The following IGF1R variants were observed in gnomAD, a reference collection of about 807,000 sequenced individuals.
IGF1R encodes insulin like growth factor 1 receptor.
IGF1R carries 44 observed loss-of-function variants against 144.6 expected under a neutral mutation model. That is an observed-to-expected ratio of 0.30 (90% CI 0.24 to 0.39). IGF1R has a LOEUF of 0.39. Among genes scored for constraint, IGF1R ranks in the 10% least tolerant of loss-of-function variants. IGF1R has a pLI of 1.00. For synonymous variants in IGF1R, 795 were observed against 722.8 expected (o/e 1.10, Z -1.60); for missense variants, 1,355 against 1,833.7 (o/e 0.74, Z 4.77).
chr15:98,878,885 A>G (rs2013221366), intron 2 of IGF1R, among the ~76,000 whole-genome samples: 1 of 151,910 alleles, frequency 6.6e-6, no homozygotes, highest in South Asian at 2.1e-4. Flanking sequence ...AATCCCAGCT[A>G]CTCGGGAAGC....
intron 2 of IGF1R, among the ~76,000 whole-genome samples, chr15:98,768,152 C>T (rs2055481888): frequency 6.6e-6 from 1 of 152,176 alleles, no homozygotes; most frequent in Admixed American, 6.5e-5. Flanking sequence ...GTTCTGTTCT[C>T]ATGTACACCC....
At position 98,961,027 on chromosome 15, in the gene IGF1R, G is replaced by A. The variant is rs532952727; in HGVS notation, c.*3585G>A. The A allele has an allele frequency of 7.7e-5, 18 of 233,720 alleles. No individual in the cohort carries two copies. Among genetic ancestry groups the A allele is most frequent in the South Asian group, 3.6e-4 (2 of 5,534 alleles). The allele number at this position is 233,720 out of a possible 1,614,324, so 14.5% of individuals were successfully genotyped here. On this transcript the variant is annotated 3_prime_UTR_variant, in exon 21 of 21. Coordinates refer to ENST00000650285, the MANE Select transcript of IGF1R (RefSeq NM_000875.5). The stretch of plus-strand genomic sequence containing the variant: ...TGATGATTTCGCTGGGAAGTGTGGC[G>A]GGCAGCTTTGCCTAAGCGTGGATGG...
At chr15:98,897,136 G>A (rs1186457522) in intron 4 of IGF1R, 1 of 545,016 alleles carries the variant, frequency 1.8e-6, no homozygotes. Flanking sequence ...CTGTAAAGAG[G>A]GTCATCGCTC....
At chr15:98,751,620 T>G (rs2055014301) in intron 2 of IGF1R, among the ~76,000 whole-genome samples, 1 of 152,202 alleles carries the variant, frequency 6.6e-6, no homozygotes, top group South Asian at 2.1e-4. Context: ...TTGTACTACT[T>G]AATCTTTGTC....
rs1167253214 is a variant in IGF1R, at chr15:98,891,768, G to A, written c.953+131G>A. On this transcript the variant is annotated intron_variant, in intron 3 of 20. Transcript: ENST00000650285. This position sits in a 1 kb window ranked among gnomAD's most constrained non-coding sequence, Gnocchi z 4.7. Reference sequence around the variant, plus strand: ...GAAGTTCACTGAGGTGGGTCATTTTGAGAGGGCTGGCTTACCTTAAATGTT... The same window carrying A: ...GAAGTTCACTGAGGTGGGTCATTTTAAGAGGGCTGGCTTACCTTAAATGTT... The A allele has an allele frequency of 1.2e-5, 10 of 830,642 alleles. No individual in the cohort carries two copies. 51.5% of individuals were successfully genotyped at this position (830,642 alleles called of 1,614,324 possible). A position where few individuals can be genotyped will look rare whatever the true frequency, so the allele number is the denominator to read the frequency against.
At chr15:98,713,770 C>A (rs1278205105) in intron 2 of IGF1R, among the ~76,000 whole-genome samples, 1 of 152,040 alleles carries the variant, frequency 6.6e-6, no homozygotes, top group African/African-American at 2.4e-5. Flanking sequence ...CCTTCACTTT[C>A]CCACAAAAAA....
chr15:98,866,481 A>G (rs1403479971), intron 2 of IGF1R, among the ~76,000 whole-genome samples: 1 of 152,262 alleles, frequency 6.6e-6, no homozygotes, highest in African/African-American at 2.4e-5. Context: ...ATTGAACTTC[A>G]TCTTAAAAAT....
chr15:98,915,874 G>T lies in IGF1R; in HGVS notation c.1829-90G>T. ...GTTATTTTCTTATCCAGGTCAAACT[G>T]GCAGTTTCCTGTTGGCTTGCCAGAG... On this transcript the variant is annotated intron_variant, in intron 8 of 20. Coordinates refer to ENST00000650285, the MANE Select transcript of IGF1R (RefSeq NM_000875.5). 4 of 1,147,160 alleles carry T rather than the reference G, an allele frequency of 3.5e-6. No homozygotes were observed. The South Asian group carries it at 4.9e-5, about 14-fold the overall frequency. The allele number at this position is 1,147,160 out of a possible 1,614,324, so 71.1% of individuals were successfully genotyped here. A position where few individuals can be genotyped will look rare whatever the true frequency, so the allele number is the denominator to read the frequency against.
chr15:98,893,348 TACTA>T (rs2014022181), intron 3 of IGF1R: 1 of 152,220 alleles, frequency 6.6e-6, no homozygotes, highest in South Asian at 2.1e-4. Flanking sequence ...ACCATTAGCA[TACTA>T]ACAACAAGAA....
At position 98,935,503 on chromosome 15, in the gene IGF1R, T is replaced by A. The variant is rs537097504; in HGVS notation, c.3297+77T>A. 3.5e-6 allele frequency: 3 copies of A among 855,316 alleles called. No individual in the cohort carries two copies. The South Asian group carries it at 4.3e-5, about 12-fold the overall frequency. The allele number at this position is 855,316 out of a possible 1,614,324, so 53.0% of individuals were successfully genotyped here. A position where few individuals can be genotyped will look rare whatever the true frequency, so the allele number is the denominator to read the frequency against. ...CCTTTATAATCTCCCTGCAAGGAAA[T>A]GCTGTGTCTTTAAATCAGTTTACTT... On this transcript the variant is annotated intron_variant, in intron 17 of 20. Transcript: ENST00000650285. The surrounding 1 kb of genome is among the most constrained non-coding windows in gnomAD (Gnocchi z 4.2).
intron 2 of IGF1R, among the ~76,000 whole-genome samples, chr15:98,799,208 G>A (rs1386089071): frequency 1.3e-5 from 2 of 152,050 alleles, no homozygotes; most frequent in Admixed American, 1.3e-4. Context: ...TATAATTCAT[G>A]TGCCTCCCCC....
Position 98,922,451 on chromosome 15 carries a change from G to A in IGF1R, c.2485+20G>A, listed in dbSNP as rs755750899. ...CCGCAGGTATGGTATGATCCAGCTG[G>A]CCCCATTGCCACCTTCCTCACAACC... On this transcript the variant is annotated intron_variant, in intron 11 of 20. Transcript: ENST00000650285. 4.4e-6 allele frequency: 7 copies of A among 1,603,998 alleles called. No homozygotes were observed. Among genetic ancestry groups the A allele is most frequent in the South Asian group, 2.2e-5 (2 of 90,924 alleles).
chr15:98,827,528 T>A (rs1056607968), intron 2 of IGF1R, among the ~76,000 whole-genome samples: 6 of 152,230 alleles, frequency 3.9e-5, no homozygotes, highest in Admixed American at 6.5e-5. Context: ...ATACTATGAA[T>A]TGGTTTAAAA....
chr15:98,736,905 C>G (rs2054624231), intron 2 of IGF1R, among the ~76,000 whole-genome samples: 1 of 152,142 alleles, frequency 6.6e-6, no homozygotes, highest in South Asian at 2.1e-4. Flanking sequence ...AGCCACCGAG[C>G]CTGGCTGGTG....
intron 2 of IGF1R, among the ~76,000 whole-genome samples, chr15:98,884,701 AAAAG>A (rs2013552265): frequency 6.6e-6 from 1 of 151,394 alleles, no homozygotes; most frequent in Non-Finnish European, 1.5e-5. Context: ...AAAAAAAAAA[AAAAG>A]AAATTCTGTA....
At chr15:98,770,839 ATGTCAAAATTG>A (rs936231530) in intron 2 of IGF1R, among the ~76,000 whole-genome samples, 1 of 152,150 alleles carries the variant, frequency 6.6e-6, no homozygotes, top group African/African-American at 2.4e-5. Context: ...AGTGTCCACC[ATGTCAAAATTG>A]TGTCAAAATT....
chr15:98,859,525 C>T (rs1009733626), intron 2 of IGF1R, among the ~76,000 whole-genome samples: 1 of 152,136 alleles, frequency 6.6e-6, no homozygotes, highest in East Asian at 1.9e-4. Context: ...TAAGCTTTGC[C>T]CTCAAGAAGG....
chr15:98,661,799 C>G (rs1446032992), intron 1 of IGF1R, among the ~76,000 whole-genome samples: 1 of 152,160 alleles, frequency 6.6e-6, no homozygotes, highest in East Asian at 1.9e-4. Flanking sequence ...TGTATCCAAG[C>G]TGCCCAGCAA....
At chr15:98,913,323 C>T (rs747186607) in intron 8 of IGF1R, 41 bp downstream of exon 8, 68 of 1,492,000 alleles carry the variant, frequency 4.6e-5, no homozygotes, top group Non-Finnish European at 1.6e-5. Flanking sequence ...CACACTTCTT[C>T]GCAAGCTCAC....
Sources: gnomAD v4.1 joint callset for allele counts (sites outside exome capture counted in the v4.1 genomes callset) on GRCh38, gnomAD v4.1.1 for gene constraint, Gnocchi (gnomAD v3.1) non-coding constraint, MANE v1.5 for transcripts, NCBI Gene and HGNC (gene_info 2026-07-23, HGNC 2026-07-21) for gene names.